Variants in NREP observed in about 807,000 individuals in gnomAD.
The protein encoded by NREP is neuronal regeneration related protein.
NREP carries 5 observed loss-of-function variants against 8.6 expected under a neutral mutation model. The ratio of observed to expected loss-of-function variants is 0.58; its 90% CI spans 0.30 to 1.22. The LOEUF is 1.22. NREP is among the 50% of genes most tolerant of loss of function. The probability of loss-of-function intolerance (pLI) is 0.07; values close to 1 mark genes in which losing one functional copy is unlikely to be tolerated. For synonymous variants in NREP, 27 were observed against 28.0 expected (o/e 0.96, Z 0.11); for missense variants, 86 against 82.5 (o/e 1.04, Z -0.17).
At chr5:111,749,941 A>G (rs890725289) in intron 2 of NREP, among the ~76,000 whole-genome samples, 1 of 152,178 alleles carries the variant, frequency 6.6e-6, no homozygotes, top group Non-Finnish European at 1.5e-5. Context: ...ACCTTTAACC[A>G]GAAAGTGTAA....
At chr5:111,976,526 T>C (rs1756968627) in intron 1 of NREP, among the ~76,000 whole-genome samples, 1 of 152,160 alleles carries the variant, frequency 6.6e-6, no homozygotes, top group Admixed American at 6.5e-5. Context: ...TAAGCAAATA[T>C]TGAATAAATG....
At chr5:111,883,761 T>C (rs2112520110) in intron 2 of NREP, among the ~76,000 whole-genome samples, 1 of 152,246 alleles carries the variant, frequency 6.6e-6, no homozygotes, top group African/African-American at 2.4e-5. Context: ...AATAAAGATG[T>C]TCTTTGAAAC....
chr5:111,758,816 T>G (rs1246662642), upstream of NREP, among the ~76,000 whole-genome samples: 1 of 152,260 alleles, frequency 6.6e-6, no homozygotes, highest in Non-Finnish European at 1.5e-5. Context: ...TCTAAAAGAA[T>G]GCACTGAGTT....
intron 2 of NREP, among the ~76,000 whole-genome samples, chr5:111,843,406 T>G (rs1384092845): frequency 2.0e-5 from 3 of 152,038 alleles, no homozygotes. Flanking sequence ...TGTTGGGTTC[T>G]TTTTAATGGT....
intron 2 of NREP, among the ~76,000 whole-genome samples, chr5:111,903,892 G>T (rs1754712142): frequency 6.6e-6 from 1 of 152,120 alleles, no homozygotes; most frequent in Non-Finnish European, 1.5e-5. Context: ...ATCACTGGCT[G>T]AAAGCTCACA....
chr5:111,813,970 C>G (rs1419033539), intron 2 of NREP, among the ~76,000 whole-genome samples: 1 of 151,994 alleles, frequency 6.6e-6, no homozygotes, highest in Non-Finnish European at 1.5e-5. Flanking sequence ...CCTCTGAACA[C>G]ACAATTATTT....
chr5:111,862,713 T>A (rs1753577159), intron 2 of NREP, among the ~76,000 whole-genome samples: 3 of 151,976 alleles, frequency 2.0e-5, no homozygotes, highest in African/African-American at 7.3e-5. Context: ...GCAGTGAACA[T>A]GACAGACAGG....
intron 2 of NREP, among the ~76,000 whole-genome samples, chr5:111,752,216 G>A (rs79757918): frequency 0.03 from 4,572 of 152,120 alleles, 232 homozygotes; most frequent in African/African-American, 0.11. Context: ...AATGATACTC[G>A]GAACAGCTGT....
At chr5:111,938,933 C>A (rs994335899) in intron 2 of NREP, among the ~76,000 whole-genome samples, 1 of 152,014 alleles carries the variant, frequency 6.6e-6, no homozygotes, top group Non-Finnish European at 1.5e-5. Context: ...AAGAATGTAA[C>A]CCTGCCATTA....
At position 111,744,931 on chromosome 5, in the gene NREP, T is replaced by C. The variant is rs373325550; in HGVS notation, c.4-9424A>G. On this transcript the variant is annotated intron_variant, in intron 2 of 3. Transcript: ENST00000257435. ...ATTTTTCCCCTCAGTCTTTCTTCCATTGTAAACCAAACACCACAACTATAC... is the reference window on the plus strand; with the variant it reads ...ATTTTTCCCCTCAGTCTTTCTTCCACTGTAAACCAAACACCACAACTATAC... Among the ~76,000 whole-genome samples the C allele has an allele frequency of 8.5e-5, 13 of 152,260 alleles. 1 individual carries two copies. Among genetic ancestry groups the C allele is most frequent in the Admixed American group, 7.2e-4 (11 of 15,288 alleles).
intron 2 of NREP, among the ~76,000 whole-genome samples, chr5:111,963,852 A>G (rs1437843897): frequency 6.6e-6 from 1 of 152,214 alleles, no homozygotes; most frequent in Non-Finnish European, 1.5e-5. Flanking sequence ...ATTTTTTTCT[A>G]ACTTCATATC....
chr5:111,960,444 C>T (rs542323816), intron 2 of NREP, among the ~76,000 whole-genome samples: 73 of 152,108 alleles, frequency 4.8e-4, no homozygotes, highest in African/African-American at 1.7e-3. Flanking sequence ...AGAGGACTTG[C>T]AAAAATATGT....
chr5:111,762,180 G>A (rs967885758), upstream of NREP, among the ~76,000 whole-genome samples: 5 of 152,176 alleles, frequency 3.3e-5, no homozygotes, highest in Non-Finnish European at 2.9e-5. Flanking sequence ...GAAAGCACAG[G>A]AGATTAGCTG....
upstream of NREP, among the ~76,000 whole-genome samples, chr5:111,758,569 C>G (rs1479282588): frequency 1.3e-5 from 2 of 152,118 alleles, no homozygotes; most frequent in Non-Finnish European, 1.5e-5. Flanking sequence ...AGATTATTTC[C>G]TAATTAAATT....
chr5:111,767,309 T>G (rs780717540), intron 2 of NREP, among the ~76,000 whole-genome samples: 15 of 152,102 alleles, frequency 9.9e-5, no homozygotes, highest in Non-Finnish European at 1.8e-4. Flanking sequence ...AAAAAAAATC[T>G]TATTAGTTTC....
chr5:111,912,664 G>A (rs561257645), intron 2 of NREP: 1 of 152,142 alleles, frequency 6.6e-6, no homozygotes, highest in Non-Finnish European at 1.5e-5. Context: ...CTGAAGACAG[G>A]ATCAAGATAT....
intron 2 of NREP, among the ~76,000 whole-genome samples, chr5:111,890,470 G>A (rs964983939): frequency 3.9e-5 from 6 of 152,202 alleles, no homozygotes; most frequent in African/African-American, 1.2e-4. Context: ...GCAGTGCTCT[G>A]TTGGAGACTC....
At chr5:111,834,038 G>A (rs926367968) in intron 2 of NREP, among the ~76,000 whole-genome samples, 12 of 152,184 alleles carry the variant, frequency 7.9e-5, no homozygotes, top group African/African-American at 2.4e-4. Flanking sequence ...CTCCTCTCCT[G>A]TAACATCAGC....
chr5:111,736,107 C>T (rs1200584515), intron 2 of NREP, among the ~76,000 whole-genome samples: 1 of 151,832 alleles, frequency 6.6e-6, no homozygotes, highest in Non-Finnish European at 1.5e-5. Flanking sequence ...GGGGGTGGAG[C>T]GAGGGAGTGG....
Sources: allele counts gnomAD v4.1 joint callset (sites outside exome capture counted in the v4.1 genomes callset), GRCh38; gene constraint gnomAD v4.1.1; transcripts MANE v1.5; gene names NCBI Gene and HGNC (gene_info 2026-07-23, HGNC 2026-07-21).